The following MEA1 variants were observed in gnomAD, a reference collection of about 807,000 sequenced individuals.
The protein encoded by MEA1 is Male-enhanced antigen (H-Y structural gene).
Under a neutral mutation model 21.4 loss-of-function variants are expected in MEA1, and 22 were observed. That is an observed-to-expected ratio of 1.03 (90% CI 0.73 to 1.47). The LOEUF is 1.47. MEA1 is among the 40% of genes most tolerant of loss of function. The pLI is 0.00. For synonymous variants in MEA1, 91 were observed against 85.5 expected (o/e 1.06, Z -0.35); for missense variants, 233 against 230.5 (o/e 1.01, Z -0.07).
chr6:43,012,615 A>G lies in MEA1; in HGVS notation c.413T>C (p.Val138Ala), dbSNP rs764777839. ...HSSIPMDPEH[V>A]ELVKRTMAGV... ...AGCCATTGTCCTTTTCACCAGCTCT[A>G]CATGTTCTGAAATCAGAGCCAGAGG... Residue 138 changes from valine (V) to alanine (A), a missense_variant, in exon 4 of 4, where the codon GTA (valine) becomes GCA (alanine). By Grantham distance (64) the Val-to-Ala change is moderately conservative. Coordinates refer to ENST00000244711, the MANE Select transcript of MEA1 (RefSeq NM_014623.4). 2 of 1,597,502 alleles carry G rather than the reference A, an allele frequency of 1.3e-6. No homozygotes were observed. Among genetic ancestry groups the G allele is most frequent in the Non-Finnish European group, 1.7e-6 (2 of 1,173,720 alleles).
At chr6:43,014,130 C>G, upstream of MEA1, 1 of 1,416,826 alleles carries the variant, frequency 7.1e-7, no homozygotes, top group Admixed American at 2.9e-5. Flanking sequence ...CCTGCCCACT[C>G]CTCAGCCCTC....
In MEA1 at chr6:43,012,221, T is replaced by G; in HGVS notation, c.*249A>C. 1 of 1,176,904 alleles carries G rather than the reference T, an allele frequency of 8.5e-7. No individual in the cohort carries two copies. Among genetic ancestry groups the G allele is most frequent in the Non-Finnish European group, 1.1e-6 (1 of 951,666 alleles). The allele number at this position is 1,176,904 out of a possible 1,614,324, so 72.9% of individuals were successfully genotyped here. ...ACCCAGGTTCCAGGGGCGCAGGCAG[T>G]GCGGCTTTTGGCTGTGTACATAGGG... On this transcript the variant is annotated 3_prime_UTR_variant, in exon 4 of 4. Coordinates refer to ENST00000244711, the MANE Select transcript of MEA1 (RefSeq NM_014623.4).
upstream of MEA1, chr6:43,014,053 C>T (rs1215165183): frequency 2.4e-5 from 34 of 1,421,642 alleles, no homozygotes; most frequent in Non-Finnish European, 3.0e-5. Context: ...AAACAAAGGA[C>T]TGCATTACCC....
At chr6:43,015,822 C>T (rs1762556374), upstream of MEA1, among the ~76,000 whole-genome samples, 1 of 144,622 alleles carries the variant, frequency 6.9e-6, no homozygotes, top group African/African-American at 2.7e-5. Flanking sequence ...CCATTGCGCT[C>T]CAGCCTGGGG....
Position 43,011,398 on chromosome 6 carries a change from G to C in MEA1, c.*1072C>G. 1 of 1,414,748 alleles carries C rather than the reference G, an allele frequency of 7.1e-7. No homozygotes were observed. The highest frequency in any genetic ancestry group is 1.4e-5 in the African/African-American group (1 of 70,108). 87.6% of individuals were successfully genotyped at this position (1,414,748 alleles called of 1,614,324 possible). A position where few individuals can be genotyped will look rare whatever the true frequency, so the allele number is the denominator to read the frequency against. On this transcript the variant is annotated 3_prime_UTR_variant, in exon 4 of 4. Transcript: ENST00000244711. Reference sequence around the variant, plus strand: ...CTTGGGGGAAGGCAGCGCCTCTCTAGCTACTCAAGGGAGGGGGATGTGGGC... The same window carrying C: ...CTTGGGGGAAGGCAGCGCCTCTCTACCTACTCAAGGGAGGGGGATGTGGGC...
Position 43,011,311 on chromosome 6 carries a change from C to T in MEA1, c.*1159G>A. The T allele has an allele frequency of 6.2e-7, 1 of 1,612,690 alleles. No individual in the cohort carries two copies. Among genetic ancestry groups the T allele is most frequent in the Non-Finnish European group, 8.5e-7 (1 of 1,179,752 alleles). ...ACCCCTCACGTTCCTACCACAGGGC[C>T]ACAGCCCACACAGCCCTGGGACACT... On this transcript the variant is annotated 3_prime_UTR_variant, in exon 4 of 4. Transcript: ENST00000244711.
upstream of MEA1, chr6:43,016,871 T>C (rs1762590810): frequency 2.7e-6 from 1 of 367,260 alleles, no homozygotes; most frequent in Non-Finnish European, 5.1e-6. Flanking sequence ...GTGACCATGA[T>C]ATGCAGATTC....
At chr6:43,012,653 A>G in intron 3 of MEA1, 32 bp from the exon 4 acceptor site, 1 of 1,574,602 alleles carries the variant, frequency 6.4e-7, no homozygotes, top group Non-Finnish European at 8.6e-7. Flanking sequence ...ATTCAGGCAT[A>G]GAAATAATGG....
chr6:43,014,626 G>A (rs763884827), upstream of MEA1: 1 of 456,836 alleles, frequency 2.2e-6, no homozygotes, highest in South Asian at 1.5e-5. Flanking sequence ...AATGGAAGGG[G>A]AGGGGTGTCT....
upstream of MEA1, among the ~76,000 whole-genome samples, chr6:43,016,136 T>C (rs1465310626): frequency 3.3e-5 from 5 of 152,046 alleles, no homozygotes; most frequent in Non-Finnish European, 7.4e-5. Context: ...GGTTTCACCA[T>C]GTTGGCCAGG....
At chr6:43,014,143 G>T, upstream of MEA1, 1 of 1,412,388 alleles carries the variant, frequency 7.1e-7, no homozygotes, top group East Asian at 2.5e-5. Flanking sequence ...CAGCCCTCTC[G>T]TCCCTCAGGA....
upstream of MEA1, chr6:43,014,726 A>G: frequency 2.5e-6 from 1 of 400,164 alleles, no homozygotes; most frequent in South Asian, 1.8e-5. Context: ...AGTGCATGCT[A>G]ATTTTTCTTT....
rs1762354388 is a variant in MEA1, at chr6:43,011,632, C to G, written c.*838G>C. On this transcript the variant is annotated 3_prime_UTR_variant, in exon 4 of 4. Coordinates refer to ENST00000244711, the MANE Select transcript of MEA1 (RefSeq NM_014623.4). ...ACATACGCTCCTCTATTCTTCCCTT[C>G]ATCCTCATTTGAACGCCAGGTATCT... 3.5e-6 allele frequency: 1 copy of G among 288,190 alleles called. No homozygotes were observed. The highest frequency in any genetic ancestry group is 4.9e-5 in the South Asian group (1 of 20,342). The allele number at this position is 288,190 out of a possible 1,614,324, so 17.9% of individuals were successfully genotyped here.
upstream of MEA1, among the ~76,000 whole-genome samples, chr6:43,015,624 T>C (rs1431363417): frequency 6.6e-6 from 1 of 151,500 alleles, no homozygotes; most frequent in Non-Finnish European, 1.5e-5. Flanking sequence ...CCGAGGACGG[T>C]GGATCACCTG....
chr6:43,012,341 A>G lies in MEA1; in HGVS notation c.*129T>C, dbSNP rs1762392022. 3 of 1,474,810 alleles carry G rather than the reference A, an allele frequency of 2.0e-6. No individual in the cohort carries two copies. Among genetic ancestry groups the G allele is most frequent in the Non-Finnish European group, 2.7e-6 (3 of 1,112,800 alleles). The allele number at this position is 1,474,810 out of a possible 1,614,324, so 91.4% of individuals were successfully genotyped here. ...GAACTGAATAAAGTGGGTCTCTGAG[A>G]AGTCTGATGTGCCTTGATGTGGAAA... is the stretch of plus-strand genomic sequence containing the variant. On this transcript the variant is annotated 3_prime_UTR_variant, in exon 4 of 4. Transcript: ENST00000244711.
intron 1 of MEA1, 142 bp downstream of exon 1, chr6:43,013,641 ACCT>A: frequency 1.1e-6 from 1 of 930,142 alleles, no homozygotes; most frequent in Non-Finnish European, 1.7e-6. Context: ...AGGCCCTGCC[ACCT>A]CCTAAAAGAC....
At chr6:43,012,778 A>T in intron 3 of MEA1, 148 bp downstream of exon 3, 1 of 1,215,682 alleles carries the variant, frequency 8.2e-7, no homozygotes, top group Non-Finnish European at 1.2e-6. Context: ...CTAGCAAAAG[A>T]GCATTTCACT....
upstream of MEA1, among the ~76,000 whole-genome samples, chr6:43,015,843 G>T (rs1762557007): frequency 8.1e-6 from 1 of 123,494 alleles, no homozygotes; most frequent in African/African-American, 3.6e-5. Flanking sequence ...GCAAGAGCGA[G>T]ACTTCATCTA....
At chr6:43,012,707 G>C in intron 3 of MEA1, 86 bp from the exon 4 acceptor site, 1 of 1,451,222 alleles carries the variant, frequency 6.9e-7, no homozygotes. Context: ...CAGAGCCCTT[G>C]GGCTGCTAGG....
Sources: allele counts gnomAD v4.1 joint callset (sites outside exome capture counted in the v4.1 genomes callset), GRCh38; gene constraint gnomAD v4.1.1; transcripts MANE v1.5; gene names NCBI Gene and HGNC (gene_info 2026-07-23, HGNC 2026-07-21).